MAP3K20: variants seen among roughly 807,000 people sequenced by gnomAD.
The protein encoded by MAP3K20 is HCCS-4.
In MAP3K20, 40 loss-of-function variants were observed where a neutral mutation model predicts 85.7. That is an observed-to-expected ratio of 0.47 (90% CI 0.36 to 0.61). The LOEUF is 0.61. Among genes scored for constraint, MAP3K20 ranks in the 20% least tolerant of loss-of-function variants. The pLI, the probability that MAP3K20 is intolerant of heterozygous loss-of-function variation, is 0.00. For missense variants in MAP3K20, 817 were observed against 961.7 expected (o/e 0.85, Z 1.99); for synonymous variants, 325 against 327.7 (o/e 0.99, Z 0.09).
In MAP3K20 at chr2:173,258,816, G is replaced by A. The variant is rs900802166; in HGVS notation, c.1476+1G>A. Reference sequence around the variant, plus strand: ...TGCGGAGATTTTAAAGATGACAAAGGTAGGGTTCTATTTACGGCTTAAAAG... The same window carrying A: ...TGCGGAGATTTTAAAGATGACAAAGATAGGGTTCTATTTACGGCTTAAAAG... On this transcript the variant is annotated splice_donor_variant, in intron 17 of 19. Transcript: ENST00000375213. LOFTEE classifies it high-confidence loss of function. 1.9e-6 allele frequency: 3 copies of A among 1,577,474 alleles called. No individual in the cohort carries two copies. Among genetic ancestry groups the A allele is most frequent in the South Asian group, 1.1e-5 (1 of 89,642 alleles).
intron 9 of MAP3K20, among the ~76,000 whole-genome samples, chr2:173,205,404 C>T (rs1683651596): frequency 6.6e-6 from 1 of 152,066 alleles, no homozygotes; most frequent in South Asian, 2.1e-4. Flanking sequence ...ATAACTAACT[C>T]AGAAGCAATT....
At chr2:173,224,091 A>C (rs1684323391) in intron 11 of MAP3K20, 21 of 879,286 alleles carry the variant, frequency 2.4e-5, no homozygotes, top group Non-Finnish European at 2.7e-5. Context: ...TCGATGATAA[A>C]TAAAGCAAAT....
intron 11 of MAP3K20, chr2:173,226,921 A>T: frequency 1.0e-6 from 1 of 985,144 alleles, no homozygotes; most frequent in Non-Finnish European, 1.2e-6. Context: ...AGCAAGTCCT[A>T]TGCCAAATAT....
chr2:173,250,174 CTTGT>C (rs1685011265), intron 16 of MAP3K20, among the ~76,000 whole-genome samples: 1 of 152,194 alleles, frequency 6.6e-6, no homozygotes. Flanking sequence ...CTACTCTAAG[CTTGT>C]TTGAGAATAA....
chr2:173,229,604 C>T (rs1349188490), intron 11 of MAP3K20, 85 bp from the exon 12 acceptor site: 1 of 1,572,266 alleles, frequency 6.4e-7, no homozygotes, highest in African/African-American at 1.4e-5. Context: ...CAGCTGAGAG[C>T]TGAAAGAGTG....
chr2:173,158,853 G>A (rs753739003), intron 2 of MAP3K20, among the ~76,000 whole-genome samples: 7 of 152,208 alleles, frequency 4.6e-5, no homozygotes, highest in Non-Finnish European at 7.3e-5. Context: ...CAGAGCCAAC[G>A]TTGTAATGAA....
At chr2:173,146,196 CAGTT>C (rs1161699373) in intron 2 of MAP3K20, among the ~76,000 whole-genome samples, 7 of 151,334 alleles carry the variant, frequency 4.6e-5, no homozygotes, top group East Asian at 1.9e-4. Context: ...AATTTTACCT[CAGTT>C]AGAAGAAACA....
At chr2:173,110,222 TATATATATATATATATA>T (rs1687914973) in intron 2 of MAP3K20, among the ~76,000 whole-genome samples, 5 of 8,534 alleles carry the variant, frequency 5.9e-4, no homozygotes, top group Non-Finnish European at 1.2e-3. Flanking sequence ...TATATATATA[TATATATATATATATATA>T]TATTTTTTTT....
chr2:173,206,421 TTCTGATTAAACAGTG>T (rs1229499377), intron 9 of MAP3K20, among the ~76,000 whole-genome samples: 6 of 152,228 alleles, frequency 3.9e-5, no homozygotes, highest in Non-Finnish European at 8.8e-5. Flanking sequence ...TGTCATTTTA[TTCTGATTAAACAGTG>T]ACATGTCCCC....
intron 16 of MAP3K20, among the ~76,000 whole-genome samples, chr2:173,254,946 TTC>T (rs1324642822): frequency 2.6e-5 from 4 of 152,340 alleles, no homozygotes; most frequent in African/African-American, 9.6e-5. Context: ...TTGCAGCATA[TTC>T]TCTTTCTCTC....
At chr2:173,213,156 T>G (rs997919386) in intron 10 of MAP3K20, among the ~76,000 whole-genome samples, 3 of 152,248 alleles carry the variant, frequency 2.0e-5, no homozygotes, top group Non-Finnish European at 2.9e-5. Flanking sequence ...TTGTATATCT[T>G]TATTCCCTAC....
In MAP3K20 at chr2:173,197,966, T is replaced by A. The variant is rs1690904971; in HGVS notation, c.583-60T>A. On this transcript the variant is annotated intron_variant, in intron 7 of 19. Coordinates refer to ENST00000375213, the MANE Select transcript of MAP3K20 (RefSeq NM_016653.3). ...AATTACATGTTAGATAAGGTCTCAG[T>A]AATATGTACCAAAAAATATAAAGTA... 2.7e-6 allele frequency: 4 copies of A among 1,489,604 alleles called. No homozygotes were observed. The Admixed American group carries it at 7.1e-5, about 27-fold the overall frequency. The allele number at this position is 1,489,604 out of a possible 1,614,324, so 92.3% of individuals were successfully genotyped here.
At chr2:173,122,753 C>T (rs1688331140) in intron 2 of MAP3K20, among the ~76,000 whole-genome samples, 1 of 152,158 alleles carries the variant, frequency 6.6e-6, no homozygotes, top group Admixed American at 6.5e-5. Flanking sequence ...TTAGCTACCA[C>T]CAGAGATTCC....
rs1463738485 is a variant in MAP3K20 at position 173,263,875 on chromosome 2, C to G, written c.1682C>G (p.Pro561Arg). ...TTATTCACCAATTCAGATGGCAACC[C>G]TGGAAGCAGGTCCGACTCAAGTAAG... is the stretch of plus-strand genomic sequence containing the variant. Reference protein sequence around the residue: ...QTLFTNSDGNPGSRSDSSADC... With the variant: ...QTLFTNSDGNRGSRSDSSADC... The change falls in exon 19 of 20, where the codon CCT becomes CGT. Residue 561 changes from proline to arginine, a missense_variant. Pro to Arg is a moderately radical substitution (Grantham distance 103, BLOSUM62 -2). Transcript: ENST00000375213. The G allele has an allele frequency of 2.5e-6, 4 of 1,611,060 alleles. No individual in the cohort carries two copies. In the Admixed American group the frequency reaches 5.1e-5, roughly 20 times the overall value.
intron 2 of MAP3K20, among the ~76,000 whole-genome samples, chr2:173,120,885 A>G (rs1033258428): frequency 4.0e-5 from 6 of 150,884 alleles, no homozygotes; most frequent in Non-Finnish European, 8.9e-5. Flanking sequence ...ATTTTTTTGT[A>G]TTTTAGTAGA....
intron 2 of MAP3K20, among the ~76,000 whole-genome samples, chr2:173,126,721 T>G (rs1167042258): frequency 6.6e-6 from 1 of 150,840 alleles, no homozygotes; most frequent in East Asian, 1.9e-4. Flanking sequence ...TTTCTTATTT[T>G]TATTAGCAGT....
chr2:173,259,851 T>C (rs1574166650), intron 17 of MAP3K20, among the ~76,000 whole-genome samples: 1 of 152,230 alleles, frequency 6.6e-6, no homozygotes, highest in East Asian at 1.9e-4. Context: ...TCTTGAAGAC[T>C]GGAAAGATAT....
chr2:173,147,677 C>A (rs1689174571), intron 2 of MAP3K20, among the ~76,000 whole-genome samples: 1 of 152,160 alleles, frequency 6.6e-6, no homozygotes, highest in Non-Finnish European at 1.5e-5. Context: ...ACCTCCGCCT[C>A]CCGGGTTCAA....
chr2:173,157,323 C>CTT (rs34277580), intron 2 of MAP3K20, among the ~76,000 whole-genome samples: 3,377 of 143,306 alleles, frequency 0.024, 128 homozygotes, highest in African/African-American at 0.079. Flanking sequence ...GGTTTGGTAC[C>CTT]TTTTTTTTTT....
Sources: gnomAD v4.1 joint callset for allele counts (sites outside exome capture counted in the v4.1 genomes callset) on GRCh38, gnomAD v4.1.1 for gene constraint, MANE v1.5 for transcripts, NCBI Gene and HGNC (gene_info 2026-07-23, HGNC 2026-07-21) for gene names.